The following CNTNAP2 variants were observed in gnomAD, a reference collection of about 807,000 sequenced individuals.
CNTNAP2 encodes contactin associated protein 2, also known as contactin-associated protein-like 2.
A neutral mutation model predicts 155.2 loss-of-function variants in CNTNAP2; 98 were observed. The ratio of observed to expected loss-of-function variants is 0.63; its 90% CI spans 0.54 to 0.75. The LOEUF (loss-of-function observed/expected upper bound fraction) is 0.75. CNTNAP2 is among the 30% of genes least tolerant of loss of function. The pLI, the probability that CNTNAP2 is intolerant of heterozygous loss-of-function variation, is 0.00. For missense variants in CNTNAP2, 1,727 were observed against 1,688.1 expected (o/e 1.02, Z -0.40); for synonymous variants, 651 against 631.2 (o/e 1.03, Z -0.47).
intron 22 of CNTNAP2, among the ~76,000 whole-genome samples, chr7:148,400,095 C>G (rs1404678745): frequency 2.0e-5 from 3 of 152,124 alleles, no homozygotes; most frequent in Admixed American, 6.5e-5. Flanking sequence ...AATCAGAGTG[C>G]TCTCCCCCAA....
chr7:148,390,857 G>A (rs1001336113), intron 22 of CNTNAP2, among the ~76,000 whole-genome samples: 12 of 152,172 alleles, frequency 7.9e-5, no homozygotes, highest in African/African-American at 2.9e-4. Context: ...TTTCTAAAAT[G>A]AGGGACATTT....
chr7:147,141,055 T>A (rs1801582182), intron 8 of CNTNAP2, among the ~76,000 whole-genome samples: 1 of 152,168 alleles, frequency 6.6e-6, no homozygotes, highest in South Asian at 2.1e-4. Flanking sequence ...GCCTTTGCAT[T>A]AATTATCTTG....
chr7:148,357,148 G>C (rs1024353041), intron 21 of CNTNAP2, among the ~76,000 whole-genome samples: 2 of 152,134 alleles, frequency 1.3e-5, no homozygotes, highest in Non-Finnish European at 2.9e-5. Flanking sequence ...GACCCAGTGG[G>C]ACGTAATTGA....
intron 22 of CNTNAP2, 84 bp downstream of exon 22, chr7:148,383,972 G>C (rs908317965): frequency 6.6e-7 from 1 of 1,519,622 alleles, no homozygotes; most frequent in African/African-American, 1.4e-5. Context: ...TTTAATAACA[G>C]AACCTCACTG....
chr7:147,707,212 T>C (rs1045423206), intron 13 of CNTNAP2, among the ~76,000 whole-genome samples: 2 of 152,234 alleles, frequency 1.3e-5, no homozygotes, highest in Non-Finnish European at 2.9e-5. Flanking sequence ...TGTCCTTACA[T>C]TGACATCTAT....
At chr7:147,083,522 T>TTA (rs756158066) in intron 4 of CNTNAP2, among the ~76,000 whole-genome samples, 3,684 of 117,816 alleles carry the variant, frequency 0.031, 180 homozygotes, top group African/African-American at 0.093. Flanking sequence ...AAACATCATT[T>TTA]TATATATATA....
At chr7:148,043,992 A>T (rs1802723813) in intron 15 of CNTNAP2, among the ~76,000 whole-genome samples, 1 of 152,184 alleles carries the variant, frequency 6.6e-6, no homozygotes, top group Admixed American at 6.5e-5. Flanking sequence ...ATTATTTTTC[A>T]TGTCTTACAT....
chr7:146,261,066 C>T (rs1200144140), intron 1 of CNTNAP2, among the ~76,000 whole-genome samples: 1 of 152,098 alleles, frequency 6.6e-6, no homozygotes, highest in African/African-American at 2.4e-5. Flanking sequence ...TTTAAAAGGG[C>T]TAGTTTCCTC....
intron 1 of CNTNAP2, among the ~76,000 whole-genome samples, chr7:146,254,965 C>G (rs1044776515): frequency 2.0e-5 from 3 of 151,572 alleles, no homozygotes; most frequent in African/African-American, 7.3e-5. Context: ...ATATAAACAC[C>G]ACATTTCAAA....
chr7:146,704,818 C>T (rs1309333833), intron 1 of CNTNAP2, among the ~76,000 whole-genome samples: 3 of 152,116 alleles, frequency 2.0e-5, no homozygotes, highest in Admixed American at 2.0e-4. Context: ...CTCATCTAGT[C>T]ATCTTCTTCT....
intron 1 of CNTNAP2, among the ~76,000 whole-genome samples, chr7:146,202,650 A>C (rs1798883480): frequency 6.6e-6 from 1 of 152,170 alleles, no homozygotes; most frequent in Admixed American, 6.5e-5. Context: ...AATGTCTACT[A>C]GATGAAATGC....
At chr7:146,800,830 A>G (rs112069822) in intron 2 of CNTNAP2, among the ~76,000 whole-genome samples, 5 of 152,202 alleles carry the variant, frequency 3.3e-5, no homozygotes, top group African/African-American at 1.2e-4. Context: ...GAGAAGAGTA[A>G]AACACCCTGC....
intron 12 of CNTNAP2, among the ~76,000 whole-genome samples, chr7:147,566,395 A>C: frequency 2.0e-5 from 3 of 149,390 alleles, no homozygotes; most frequent in African/African-American, 4.9e-5. Flanking sequence ...GGGATGAGGA[A>C]TTAGTCCGTT....
chr7:146,337,378 G>T (rs1801294713), intron 1 of CNTNAP2, among the ~76,000 whole-genome samples: 1 of 151,826 alleles, frequency 6.6e-6, no homozygotes, highest in South Asian at 2.1e-4. Flanking sequence ...GAAAGGGCTA[G>T]ATCCTAATCA....
intron 14 of CNTNAP2, among the ~76,000 whole-genome samples, chr7:147,951,150 A>G (rs992892277): frequency 4.6e-5 from 7 of 152,210 alleles, no homozygotes; most frequent in Non-Finnish European, 1.0e-4. Flanking sequence ...GGGCAGAGAG[A>G]AAGTTGTGCC....
intron 1 of CNTNAP2, among the ~76,000 whole-genome samples, chr7:146,649,096 A>G (rs1457181652): frequency 2.0e-5 from 3 of 152,148 alleles, no homozygotes; most frequent in Admixed American, 2.0e-4. Flanking sequence ...TTGCCTCTTT[A>G]CATTGCCAAA....
chr7:148,108,265 G>A (rs1453477760), intron 15 of CNTNAP2, among the ~76,000 whole-genome samples: 2 of 152,008 alleles, frequency 1.3e-5, no homozygotes, highest in African/African-American at 2.4e-5. Context: ...CCTTTCATCA[G>A]ATTTTTACTT....
At chr7:147,559,606 T>C (rs764628971) in intron 11 of CNTNAP2, among the ~76,000 whole-genome samples, 21 of 152,150 alleles carry the variant, frequency 1.4e-4, no homozygotes, top group Admixed American at 3.9e-4. Context: ...GACAATGATT[T>C]ATTACTAAAT....
At chr7:147,079,879 G>A (rs1464342541) in intron 4 of CNTNAP2, among the ~76,000 whole-genome samples, 1 of 151,924 alleles carries the variant, frequency 6.6e-6, no homozygotes, top group Non-Finnish European at 1.5e-5. Context: ...ACTGTCATGT[G>A]TCATCAGCAC....
Sources: allele counts gnomAD v4.1 joint callset (sites outside exome capture counted in the v4.1 genomes callset), GRCh38; gene constraint gnomAD v4.1.1; transcripts MANE v1.5; gene names NCBI Gene and HGNC (gene_info 2026-07-23, HGNC 2026-07-21).